ANO2: variants seen among roughly 807,000 people sequenced by gnomAD.
ANO2 encodes the protein anoctamin-2.
Under a neutral mutation model 124.2 loss-of-function variants are expected in ANO2, and 101 were observed. That is an observed-to-expected ratio of 0.81 (90% CI 0.69 to 0.96). The LOEUF (loss-of-function observed/expected upper bound fraction) is 0.96. Ranked by LOEUF, ANO2 falls within the 40% of genes least tolerant of loss-of-function variation. The pLI is 0.00. For missense variants in ANO2, 1,293 were observed against 1,274.5 expected, an observed-to-expected ratio of 1.01 and a Z score of -0.22; for synonymous variants, 486 against 482.5, an observed-to-expected ratio of 1.01 and a Z score of -0.09.
intron 3 of ANO2, among the ~76,000 whole-genome samples, chr12:5,909,798 C>A (rs1045317172): frequency 6.6e-6 from 1 of 152,170 alleles, no homozygotes; most frequent in African/African-American, 2.4e-5. Context: ...CTTCATACAG[C>A]AGCCAGGCAG....
intron 15 of ANO2, among the ~76,000 whole-genome samples, chr12:5,639,209 G>A (rs971959679): frequency 1.3e-5 from 2 of 152,198 alleles, no homozygotes; most frequent in Non-Finnish European, 2.9e-5. Context: ...AACCTCTGCT[G>A]ATCCCCAGCA....
At chr12:5,666,385 A>G (rs1230537147) in intron 14 of ANO2, among the ~76,000 whole-genome samples, 1 of 152,156 alleles carries the variant, frequency 6.6e-6, no homozygotes, top group South Asian at 2.1e-4. Flanking sequence ...GCTCTTCCCA[A>G]AGGGGGCCAC....
intron 7 of ANO2, among the ~76,000 whole-genome samples, 186 bp downstream of exon 7, chr12:5,827,583 C>G (rs751167701): frequency 9.9e-5 from 15 of 152,228 alleles, no homozygotes; most frequent in Non-Finnish European, 2.2e-4. Context: ...GGCAGCCCCA[C>G]TGAGAAATGG....
At chr12:5,746,426 G>A (rs993364776) in intron 11 of ANO2, among the ~76,000 whole-genome samples, 4 of 152,106 alleles carry the variant, frequency 2.6e-5, no homozygotes, top group Non-Finnish European at 5.9e-5. Flanking sequence ...AGGAATTCTG[G>A]CTAAGAATGA....
At chr12:5,592,074 C>T (rs562331846) in intron 20 of ANO2, among the ~76,000 whole-genome samples, 2 of 152,268 alleles carry the variant, frequency 1.3e-5, no homozygotes, top group South Asian at 4.1e-4. Context: ...TCTTAGGAGA[C>T]TAAAATTATT....
intron 14 of ANO2, among the ~76,000 whole-genome samples, chr12:5,718,263 C>A (rs765210158): frequency 5.9e-5 from 9 of 152,226 alleles, no homozygotes; most frequent in Non-Finnish European, 1.3e-4. Context: ...GGGGAAACTG[C>A]CAAAGGGCAT....
chr12:5,676,528 C>G (rs954169850), intron 14 of ANO2, among the ~76,000 whole-genome samples: 2 of 152,080 alleles, frequency 1.3e-5, no homozygotes, highest in African/African-American at 4.8e-5. Context: ...GAAACTATAC[C>G]AAAATGTTAA....
chr12:5,581,204 T>G (rs995610554), intron 20 of ANO2, among the ~76,000 whole-genome samples: 3 of 152,162 alleles, frequency 2.0e-5, no homozygotes, highest in Middle Eastern at 3.2e-3. Flanking sequence ...TGGATGGATG[T>G]ATATTTATGG....
At chr12:5,703,250 T>C (rs770313625) in intron 14 of ANO2, among the ~76,000 whole-genome samples, 24 of 152,330 alleles carry the variant, frequency 1.6e-4, no homozygotes, top group African/African-American at 5.5e-4. Context: ...ATAATATGTA[T>C]AGTATAATAC....
intron 4 of ANO2, among the ~76,000 whole-genome samples, chr12:5,848,814 G>T (rs1002941509): frequency 1.3e-5 from 2 of 152,236 alleles, no homozygotes; most frequent in Non-Finnish European, 2.9e-5. Flanking sequence ...ACATTGCAGA[G>T]AAGAGAGAAG....
At chr12:5,647,533 TG>T (rs1946704125) in intron 15 of ANO2, among the ~76,000 whole-genome samples, 193 bp downstream of exon 15, 1 of 152,222 alleles carries the variant, frequency 6.6e-6, no homozygotes, top group Admixed American at 6.5e-5. Context: ...ACCCACTCCC[TG>T]GAAGTTCCAA....
rs1046421340 is a variant in ANO2, at chr12:5,640,152, C to A, written c.1621-4805G>T. Among the ~76,000 whole-genome samples, 3 of 152,178 alleles carry A rather than the reference C, an allele frequency of 2.0e-5. No individual in the cohort carries two copies. In the East Asian group the frequency reaches 5.8e-4, roughly 29 times the overall value. ...CAGATGAAATAGCACTGGGGCATTT[C>A]TTTGCTCTCATCACCCCATGAAAAG... On this transcript the variant is annotated intron_variant, in intron 15 of 24. Transcript: ENST00000682330.
chr12:5,657,232 A>C (rs1947204023), intron 14 of ANO2, among the ~76,000 whole-genome samples: 1 of 152,210 alleles, frequency 6.6e-6, no homozygotes, highest in Non-Finnish European at 1.5e-5. Flanking sequence ...GGAAGGCTAA[A>C]GCCCAGGTTC....
rs569443403 is a variant in ANO2 at position 5,837,960 on chromosome 12, C to T, written c.634-5357G>A. Among the ~76,000 whole-genome samples the T allele has an allele frequency of 4.1e-3, 626 of 151,436 alleles. 3 individuals are homozygous for T. Among genetic ancestry groups the T allele is most frequent in the Non-Finnish European group, 7.0e-3 (473 of 67,842 alleles). The stretch of plus-strand genomic sequence containing the variant: ...GAAAGGATCAACAAAATTGATAGAC[C>T]GCTAGCAAGACTAATAAAGAAAAAA... On this transcript the variant is annotated intron_variant, in intron 4 of 24. Transcript: ENST00000682330.
intron 23 of ANO2, among the ~76,000 whole-genome samples, chr12:5,571,995 T>C (rs7486554): frequency 0.97 from 148,033 of 152,252 alleles, 72,093 homozygotes; most frequent in East Asian, 1. Context: ...CATCTACCTA[T>C]ATTTCACAGT....
intron 14 of ANO2, among the ~76,000 whole-genome samples, chr12:5,657,357 C>A (rs1451632387): frequency 6.6e-6 from 1 of 152,104 alleles, no homozygotes; most frequent in African/African-American, 2.4e-5. Flanking sequence ...CTGGGTGCCT[C>A]CATGACACAT....
intron 10 of ANO2, among the ~76,000 whole-genome samples, chr12:5,774,604 C>T (rs7135999): frequency 0.29 from 44,855 of 152,138 alleles, 7,377 homozygotes; most frequent in African/African-American, 0.44. Context: ...AGCACATCCT[C>T]TGCTAAAAGC....
intron 6 of ANO2, among the ~76,000 whole-genome samples, 153 bp from the exon 7 acceptor site, chr12:5,827,973 C>T (rs543788379): frequency 6.6e-6 from 1 of 152,332 alleles, no homozygotes; most frequent in South Asian, 2.1e-4. Context: ...ATGGCCCGCA[C>T]ATCAACCCCA....
At chr12:5,873,141 T>A (rs185558266) in intron 3 of ANO2, among the ~76,000 whole-genome samples, 58 of 151,608 alleles carry the variant, frequency 3.8e-4, no homozygotes, top group Non-Finnish European at 6.9e-4. Flanking sequence ...GAGTGAGGGC[T>A]GAGCAGTTTA....
Sources: gnomAD v4.1 joint callset for allele counts (sites outside exome capture counted in the v4.1 genomes callset) on GRCh38, gnomAD v4.1.1 for gene constraint, MANE v1.5 for transcripts, NCBI Gene and HGNC (gene_info 2026-07-23, HGNC 2026-07-21) for gene names.